USP8: variants seen among roughly 807,000 people sequenced by gnomAD.
USP8 encodes ubiquitin carboxyl-terminal hydrolase 8.
USP8 carries 27 observed loss-of-function variants against 130.0 expected under a neutral mutation model. That is an observed-to-expected ratio of 0.21 (90% CI 0.15 to 0.29). The LOEUF (loss-of-function observed/expected upper bound fraction) is 0.29, where lower values mean the gene tolerates loss of function less well. Ranked by LOEUF, USP8 falls within the 10% of genes least tolerant of loss-of-function variation. The probability of loss-of-function intolerance (pLI) is 1.00; values close to 1 mark genes in which losing one functional copy is unlikely to be tolerated. For missense variants in USP8, 1,029 were observed against 1,312.2 expected (o/e 0.78, Z 3.33); for synonymous variants, 392 against 444.1 (o/e 0.88, Z 1.48).
Position 50,484,318 on chromosome 15 carries a change from C to T in USP8, c.1847C>T (p.Thr616Ile). The T allele has an allele frequency of 6.2e-7, 1 of 1,611,592 alleles. No individual in the cohort carries two copies. Among genetic ancestry groups the T allele is most frequent in the Non-Finnish European group, 8.5e-7 (1 of 1,179,026 alleles). The change falls in exon 12 of 20, where the codon ACA (threonine) becomes ATA (isoleucine). Residue 616 changes from threonine (T) to isoleucine (I), a missense_variant. Thr to Ile is a moderately conservative substitution (Grantham distance 89). Around this residue, in one of 4 missense-constraint regions of USP8, gnomAD observed 486 missense variants for 522.0 expected, o/e 0.93. Coordinates refer to ENST00000307179, the MANE Select transcript of USP8 (RefSeq NM_005154.5). The part of the protein sequence containing the change: ...KGQPESGILR[T>I]GTFREDTDDT... ...CAACCAGAAAGTGGAATTCTAAGGA[C>T]AGGAACTTTTAGAGAGGATACAGAC...
chr15:50,450,157 A>G lies in USP8; in HGVS notation c.335+672A>G, dbSNP rs1043938311. Among the ~76,000 whole-genome samples, 138 of 151,954 alleles carry G rather than the reference A, an allele frequency of 9.1e-4. 1 individual carries two copies. Among genetic ancestry groups the G allele is most frequent in the Non-Finnish European group, 1.7e-3 (113 of 67,998 alleles). On this transcript the variant is annotated intron_variant, in intron 4 of 19. Transcript: ENST00000307179. ...TGATCCGCCCGCCTCAGCCTCCCAA[A>G]GTGCTGAGATTACAGGCGTGAGCCA...
At chr15:50,457,893 GA>G (rs936019860) in intron 4 of USP8, among the ~76,000 whole-genome samples, 1 of 144,132 alleles carries the variant, frequency 6.9e-6, no homozygotes, top group South Asian at 2.3e-4. Flanking sequence ...AAAAAAAAAA[GA>G]AAAAAAGAGC....
At chr15:50,475,664 G>A (rs998162743) in intron 8 of USP8, among the ~76,000 whole-genome samples, 7 of 151,966 alleles carry the variant, frequency 4.6e-5, no homozygotes, top group Non-Finnish European at 7.4e-5. Flanking sequence ...GTGCAGTGGC[G>A]CTATCTTGGC....
Position 50,484,306 on chromosome 15 carries a change from G to T in USP8, c.1835G>T (p.Gly612Val). 1 of 1,611,640 alleles carries T rather than the reference G, an allele frequency of 6.2e-7. No individual in the cohort carries two copies. The highest frequency in any genetic ancestry group is 8.5e-7 in the Non-Finnish European group (1 of 1,179,124). ...AAGATTAAAGGACAACCAGAAAGTG[G>T]AATTCTAAGGACAGGAACTTTTAGA... Reference protein sequence around the residue: ...PFKIKGQPESGILRTGTFRED... With the variant: ...PFKIKGQPESVILRTGTFRED... Residue 612 changes from glycine to valine, a missense_variant, in exon 12 of 20, where the codon GGA (glycine) becomes GTA (valine). By Grantham distance (109) the Gly-to-Val change is moderately radical (BLOSUM62 -3). This residue lies in a region of USP8 where 486 missense variants were observed against 522.0 expected (regional missense o/e 0.93). Transcript: ENST00000307179.
At chr15:50,435,123 A>G (rs569217387) in intron 1 of USP8, among the ~76,000 whole-genome samples, 174 of 152,322 alleles carry the variant, frequency 1.1e-3, no homozygotes, top group Middle Eastern at 3.4e-3. Context: ...TCTAGTCAAT[A>G]TATTTTATGT....
chr15:50,490,143 T>G (rs1445572488), intron 13 of USP8, 120 bp from the exon 14 acceptor site: 2 of 1,159,074 alleles, frequency 1.7e-6, no homozygotes, highest in Non-Finnish European at 2.4e-6. Context: ...TTATCGCCAT[T>G]TTATTCGAAT....
chr15:50,513,054 T>A lies in USP8; in HGVS notation c.*13966T>A, dbSNP rs1193813740. On this transcript the variant is annotated 3_prime_UTR_variant, in exon 20 of 20. Coordinates refer to ENST00000307179, the MANE Select transcript of USP8 (RefSeq NM_005154.5). ...AAATGTGCAAAAGACAAATATTTCA[T>A]ACAATAGGAAAAACTAAAATGAGAT... 3.9e-5 allele frequency: 6 copies of A among 152,104 alleles called. No homozygotes were observed. Among genetic ancestry groups the A allele is most frequent in the African/African-American group, 1.4e-4 (6 of 41,420 alleles). The allele number at this position is 152,104 out of a possible 1,614,324, so 9.4% of individuals were successfully genotyped here. A position where few individuals can be genotyped will look rare whatever the true frequency, so the allele number is the denominator to read the frequency against.
chr15:50,441,373 C>G lies in USP8; in HGVS notation c.129C>G (p.Ile43Met). 1.9e-6 allele frequency: 3 copies of G among 1,602,542 alleles called. No homozygotes were observed. The highest frequency in any genetic ancestry group is 2.5e-6 in the Non-Finnish European group (3 of 1,177,574). ...GTTATGTGCACAGTGCCCTGAAGAT[C>G]TTTAAGACAGCAGAAGAATGCAGAT... ...TKSYVHSALK[I>M]FKTAEECRLD... The change falls in exon 3 of 20, where the codon ATC (isoleucine) becomes ATG (methionine). Residue 43 changes from isoleucine to methionine, a missense_variant. Ile to Met is a conservative substitution (Grantham distance 10). This residue lies in a region of USP8 where 281 missense variants were observed against 336.7 expected (regional missense o/e 0.83). Transcript: ENST00000307179.
At chr15:50,438,292 G>A (rs1409137884) in intron 1 of USP8, among the ~76,000 whole-genome samples, 2 of 152,166 alleles carry the variant, frequency 1.3e-5, no homozygotes, top group Non-Finnish European at 2.9e-5. Flanking sequence ...TTAAGAGATT[G>A]GAAAGAAGTA....
chr15:50,495,813 ATAT>A, intron 16 of USP8, 32 bp from the exon 17 acceptor site: 5 of 1,495,848 alleles, frequency 3.3e-6, no homozygotes, highest in Non-Finnish European at 3.7e-6. Flanking sequence ...TTTCTTTGAG[ATAT>A]TAATATAGAG....
chr15:50,458,853 T>C (rs3098168), intron 4 of USP8, 147 bp from the exon 5 acceptor site: 373,967 of 833,026 alleles, frequency 0.45, 85,722 homozygotes, highest in Admixed American at 0.55. Flanking sequence ...TGGCCTCAGG[T>C]GGCAGATGTG....
At chr15:50,437,076 G>A (rs1481229273) in intron 1 of USP8, among the ~76,000 whole-genome samples, 1 of 151,648 alleles carries the variant, frequency 6.6e-6, no homozygotes, top group Non-Finnish European at 1.5e-5. Flanking sequence ...CATCTCTCTG[G>A]ATACTCTCTT....
intron 11 of USP8, among the ~76,000 whole-genome samples, chr15:50,482,507 TAGTGATTTTTTGGTCA>T (rs1324850202): frequency 6.6e-6 from 1 of 152,234 alleles, no homozygotes; most frequent in Non-Finnish European, 1.5e-5. Flanking sequence ...TCTTTGCATA[TAGTGATTTTTTGGTCA>T]GATCGGTGTC....
intron 10 of USP8, among the ~76,000 whole-genome samples, chr15:50,480,859 G>A (rs1225434486): frequency 6.6e-6 from 1 of 152,156 alleles, no homozygotes; most frequent in Non-Finnish European, 1.5e-5. Context: ...CTAGTTGAAA[G>A]CTATGCTGTA....
chr15:50,470,271 AG>A (rs573818497), intron 7 of USP8, among the ~76,000 whole-genome samples: 15 of 152,236 alleles, frequency 9.9e-5, no homozygotes, highest in Non-Finnish European at 1.6e-4. Context: ...GTACAATAAA[AG>A]CTTGAAATGT....
intron 3 of USP8, among the ~76,000 whole-genome samples, chr15:50,447,086 A>G (rs763364954): frequency 6.6e-6 from 1 of 152,248 alleles, no homozygotes; most frequent in East Asian, 1.9e-4. Context: ...GCACTGGTAT[A>G]TTGAATTAGA....
At chr15:50,477,566 A>T (rs2051609826) in intron 10 of USP8, 67 bp downstream of exon 10, 1 of 1,402,064 alleles carries the variant, frequency 7.1e-7, no homozygotes, top group South Asian at 1.3e-5. Context: ...ATAGCTGGGC[A>T]CAGTGCCTCA....
intron 12 of USP8, among the ~76,000 whole-genome samples, chr15:50,485,405 G>A (rs964298866): frequency 2.0e-5 from 3 of 151,018 alleles, no homozygotes; most frequent in South Asian, 4.2e-4. Flanking sequence ...AGTCGAGATC[G>A]GGCCACTGCA....
intron 3 of USP8, among the ~76,000 whole-genome samples, chr15:50,445,658 T>C (rs2050411043): frequency 6.7e-6 from 1 of 148,238 alleles, no homozygotes; most frequent in Non-Finnish European, 1.5e-5. Flanking sequence ...AAGACCAGCC[T>C]GGCCAACATG....
Sources: allele counts gnomAD v4.1 joint callset (sites outside exome capture counted in the v4.1 genomes callset), GRCh38; gene constraint gnomAD v4.1.1; regional missense constraint gnomAD v4.1.1; transcripts MANE v1.5; gene names NCBI Gene and HGNC (gene_info 2026-07-23, HGNC 2026-07-21).